The following CDC42BPA variants were observed in gnomAD, a reference collection of about 807,000 sequenced individuals.
The protein encoded by CDC42BPA is serine/threonine-protein kinase MRCK alpha.
In CDC42BPA, 80 loss-of-function variants were observed where a neutral mutation model predicts 223.5. The ratio of observed to expected loss-of-function variants is 0.36; its 90% CI spans 0.30 to 0.43. The LOEUF (loss-of-function observed/expected upper bound fraction) is 0.43, where lower values mean the gene tolerates loss of function less well. Among genes scored for constraint, CDC42BPA ranks in the 20% least tolerant of loss-of-function variants. The pLI, the probability that CDC42BPA is intolerant of heterozygous loss-of-function variation, is 1.00. For missense variants in CDC42BPA, 1,743 were observed against 2,099.9 expected, an observed-to-expected ratio of 0.83 and a Z score of 3.32; for synonymous variants, 694 against 718.6, an observed-to-expected ratio of 0.97 and a Z score of 0.55.
chr1:227,004,594 T>C (rs1663615296), intron 35 of CDC42BPA: 1 of 242,460 alleles, frequency 4.1e-6, no homozygotes, highest in Non-Finnish European at 8.4e-6. Context: ...ATACTAGCCT[T>C]CTTTCAGTTA....
chr1:227,100,240 C>T (rs763835752), intron 15 of CDC42BPA, among the ~76,000 whole-genome samples: 2 of 152,178 alleles, frequency 1.3e-5, no homozygotes, highest in African/African-American at 2.4e-5. Flanking sequence ...CTGAGGCCCA[C>T]ACCTCATCTC....
intron 6 of CDC42BPA, among the ~76,000 whole-genome samples, chr1:227,157,674 C>A (rs1481419820): frequency 1.3e-5 from 2 of 150,694 alleles, no homozygotes; most frequent in African/African-American, 4.9e-5. Flanking sequence ...CCACATCTCA[C>A]TCTCTTCTTC....
intron 1 of CDC42BPA, among the ~76,000 whole-genome samples, chr1:227,263,766 G>GTAATTTTTGT (rs1684515253): frequency 6.6e-6 from 1 of 151,916 alleles, no homozygotes; most frequent in Non-Finnish European, 1.5e-5. Context: ...ATTTTTAGTA[G>GTAATTTTTGT]AGACGGGGTT....
chr1:227,271,496 A>T (rs1226265372), intron 1 of CDC42BPA, among the ~76,000 whole-genome samples: 1 of 152,100 alleles, frequency 6.6e-6, no homozygotes, highest in Admixed American at 6.5e-5. Context: ...CATCTGATAA[A>T]ATTTTTCCTG....
intron 1 of CDC42BPA, among the ~76,000 whole-genome samples, chr1:227,272,185 C>G (rs2148475589): frequency 6.6e-6 from 1 of 151,962 alleles, no homozygotes; most frequent in South Asian, 2.1e-4. Flanking sequence ...GGAGAAAAGC[C>G]AAGAAAACAT....
At chr1:227,106,608 G>C (rs917489926) in intron 14 of CDC42BPA, among the ~76,000 whole-genome samples, 1 of 152,104 alleles carries the variant, frequency 6.6e-6, no homozygotes, top group African/African-American at 2.4e-5. Context: ...TTTAAAAAGA[G>C]TTTGAGAAGG....
At chr1:227,128,363 C>T (rs1288500295) in intron 11 of CDC42BPA, among the ~76,000 whole-genome samples, 2 of 152,198 alleles carry the variant, frequency 1.3e-5, no homozygotes, top group African/African-American at 4.8e-5. Context: ...TTTTGCACAT[C>T]TGACTAATTC....
chr1:227,187,454 T>A (rs1488272103), intron 5 of CDC42BPA, among the ~76,000 whole-genome samples: 14 of 144,030 alleles, frequency 9.7e-5, no homozygotes, highest in South Asian at 6.8e-4. Flanking sequence ...TAATAGAAAC[T>A]TCAAAATGAA....
In CDC42BPA at chr1:227,317,445, A is replaced by G. The variant is rs1694583988; in HGVS notation, c.-263T>C. 2.5e-6 allele frequency: 1 copy of G among 403,854 alleles called. No homozygotes were observed. The highest frequency in any genetic ancestry group is 2.1e-5 in the African/African-American group (1 of 48,604). The allele number at this position is 403,854 out of a possible 1,614,324, so 25.0% of individuals were successfully genotyped here. On this transcript the variant is annotated 5_prime_UTR_variant, in exon 1 of 37. Transcript: ENST00000366766. Reference sequence around the variant, plus strand: ...CTTAATGCATTTTTAAAAGAATACAATTAAGTCGTATATTTAAATAAAATA... The same window carrying G: ...CTTAATGCATTTTTAAAAGAATACAGTTAAGTCGTATATTTAAATAAAATA...
At chr1:227,042,458 T>C (rs1671570972) in intron 23 of CDC42BPA, among the ~76,000 whole-genome samples, 1 of 152,116 alleles carries the variant, frequency 6.6e-6, no homozygotes, top group African/African-American at 2.4e-5. Context: ...GCTGGTTAAA[T>C]TATAGGAGAG....
chr1:227,239,553 A>T (rs1263928924), intron 2 of CDC42BPA, among the ~76,000 whole-genome samples: 4 of 152,128 alleles, frequency 2.6e-5, no homozygotes, highest in South Asian at 2.1e-4. Context: ...TTTTCTGCTC[A>T]ATTTTGCTGT....
At chr1:227,251,611 A>G (rs1572641182) in intron 2 of CDC42BPA, among the ~76,000 whole-genome samples, 1 of 152,284 alleles carries the variant, frequency 6.6e-6, no homozygotes, top group Non-Finnish European at 1.5e-5. Flanking sequence ...AGGAAAATTT[A>G]AATCAAAAAA....
chr1:226,990,920 TG>T lies in CDC42BPA; in HGVS notation c.*3347del, dbSNP rs1345281964. 10 of 152,722 alleles carry T rather than the reference TG, an allele frequency of 6.5e-5. No individual in the cohort carries two copies. The highest frequency in any genetic ancestry group is 2.2e-4 in the African/African-American group (9 of 41,584). 9.5% of individuals were successfully genotyped at this position (152,722 alleles called of 1,614,324 possible). A position where few individuals can be genotyped will look rare whatever the true frequency, so the allele number is the denominator to read the frequency against. On this transcript the variant is annotated 3_prime_UTR_variant, in exon 37 of 37. Transcript: ENST00000366766. Reference sequence around the variant, plus strand: ...ATAATTGGCTGGAAAACCAAATAGATGGGCTCCTTTTAGTTGTATCTCATAG... The same window carrying T: ...ATAATTGGCTGGAAAACCAAATAGATGGCTCCTTTTAGTTGTATCTCATAG...
At chr1:227,173,556 G>A (rs1203660641) in intron 5 of CDC42BPA, among the ~76,000 whole-genome samples, 1 of 152,014 alleles carries the variant, frequency 6.6e-6, no homozygotes, top group Non-Finnish European at 1.5e-5. Context: ...CAGTCACACA[G>A]GCAGTAAGTA....
intron 6 of CDC42BPA, among the ~76,000 whole-genome samples, chr1:227,155,470 A>G (rs555143764): frequency 2.0e-5 from 3 of 152,314 alleles, no homozygotes; most frequent in African/African-American, 7.2e-5. Context: ...GTCCAATACT[A>G]GAGAACAACA....
chr1:227,142,916 C>A, intron 9 of CDC42BPA, 29 bp downstream of exon 9: 4 of 1,499,394 alleles, frequency 2.7e-6, no homozygotes, highest in Non-Finnish European at 3.6e-6. Flanking sequence ...CTGCACTTGG[C>A]CCAAACTATG....
intron 1 of CDC42BPA, among the ~76,000 whole-genome samples, chr1:227,257,277 A>G (rs1642456895): frequency 6.6e-6 from 1 of 152,050 alleles, no homozygotes; most frequent in Non-Finnish European, 1.5e-5. Context: ...TTGTTACATA[A>G]TATTATAAAT....
At chr1:227,161,817 T>C (rs1410191368) in intron 5 of CDC42BPA, among the ~76,000 whole-genome samples, 1 of 152,190 alleles carries the variant, frequency 6.6e-6, no homozygotes, top group Non-Finnish European at 1.5e-5. Flanking sequence ...AGGCTGTTTA[T>C]AGAAAAAGTT....
chr1:227,085,967 C>A, intron 16 of CDC42BPA, among the ~76,000 whole-genome samples: 1 of 152,178 alleles, frequency 6.6e-6, no homozygotes, highest in Non-Finnish European at 1.5e-5. Context: ...CAAGAAATAT[C>A]CCCATGCCTA....
Sources: gnomAD v4.1 joint callset for allele counts (sites outside exome capture counted in the v4.1 genomes callset) on GRCh38, gnomAD v4.1.1 for gene constraint, MANE v1.5 for transcripts, NCBI Gene and HGNC (gene_info 2026-07-23, HGNC 2026-07-21) for gene names.